The following SLIT2 variants were observed in gnomAD, a reference collection of about 807,000 sequenced individuals.
SLIT2 encodes the protein slit homolog 2 protein.
A neutral mutation model predicts 185.7 loss-of-function variants in SLIT2; 41 were observed. The observed-to-expected ratio is 0.22, with a 90% CI of 0.17 to 0.29. The LOEUF (loss-of-function observed/expected upper bound fraction) is 0.29. Ranked by LOEUF, SLIT2 falls within the 10% of genes least tolerant of loss-of-function variation. The pLI is 1.00. For synonymous variants in SLIT2, 693 were observed against 680.2 expected (o/e 1.02, Z -0.29); for missense variants, 1,571 against 1,909.0 (o/e 0.82, Z 3.30).
chr4:20,369,204 G>T (rs1723369643), intron 4 of SLIT2, among the ~76,000 whole-genome samples: 1 of 152,028 alleles, frequency 6.6e-6, no homozygotes, highest in South Asian at 2.1e-4. Context: ...GTTCCTTCTG[G>T]TTTGTGTGCT....
intron 30 of SLIT2, among the ~76,000 whole-genome samples, chr4:20,593,978 A>G (rs1257732218): frequency 6.6e-6 from 1 of 150,770 alleles, no homozygotes; most frequent in African/African-American, 2.4e-5. Context: ...GTATATGTAT[A>G]TACACATGTA....
chr4:20,524,320 A>C (rs1210824470), intron 14 of SLIT2, 143 bp downstream of exon 14: 1 of 709,092 alleles, frequency 1.4e-6, no homozygotes, highest in African/African-American at 1.8e-5. Flanking sequence ...TAAAATAAAG[A>C]GGACTGTAGA....
intron 4 of SLIT2, among the ~76,000 whole-genome samples, chr4:20,301,118 G>T (rs1716997730): frequency 6.6e-6 from 1 of 152,088 alleles, no homozygotes; most frequent in Non-Finnish European, 1.5e-5. Context: ...TATTCAATGA[G>T]ATGCTAATTA....
intron 29 of SLIT2, among the ~76,000 whole-genome samples, chr4:20,579,499 AG>A (rs1168140736): frequency 6.6e-6 from 1 of 152,184 alleles, no homozygotes; most frequent in Non-Finnish European, 1.5e-5. Flanking sequence ...CACATATGTC[AG>A]TCATTAAGGA....
At chr4:20,534,527 A>G (rs1722098958) in intron 18 of SLIT2, among the ~76,000 whole-genome samples, 1 of 152,222 alleles carries the variant, frequency 6.6e-6, no homozygotes, top group African/African-American at 2.4e-5. Context: ...CATTGTATCT[A>G]AAAAGTATAT....
intron 4 of SLIT2, among the ~76,000 whole-genome samples, chr4:20,466,889 C>G (rs1047606028): frequency 3.3e-5 from 5 of 152,236 alleles, no homozygotes; most frequent in South Asian, 2.1e-4. Flanking sequence ...GGTAATATTA[C>G]TTAAAACTAG....
chr4:20,604,056 A>G (rs1216742063), intron 33 of SLIT2, among the ~76,000 whole-genome samples: 1 of 152,160 alleles, frequency 6.6e-6, no homozygotes, highest in African/African-American at 2.4e-5. Flanking sequence ...TGAGAATTGA[A>G]TGAATGTAAA....
intron 4 of SLIT2, among the ~76,000 whole-genome samples, chr4:20,398,722 T>C (rs564158816): frequency 9.9e-5 from 15 of 151,946 alleles, no homozygotes; most frequent in African/African-American, 3.6e-4. Context: ...AATTTTTCTG[T>C]TTGAATGTAT....
At chr4:20,614,041 T>A (rs952012233) in intron 34 of SLIT2, among the ~76,000 whole-genome samples, 1 of 152,046 alleles carries the variant, frequency 6.6e-6, no homozygotes, top group African/African-American at 2.4e-5. Flanking sequence ...CCAGCTAATT[T>A]TTTATACTTT....
intron 4 of SLIT2, among the ~76,000 whole-genome samples, chr4:20,395,175 G>A (rs1022841039): frequency 3.3e-5 from 5 of 151,902 alleles, no homozygotes; most frequent in African/African-American, 7.3e-5. Context: ...TAAACGTTAA[G>A]CATTTGTGAG....
chr4:20,607,175 GA>G (rs951985493), intron 33 of SLIT2, among the ~76,000 whole-genome samples: 1 of 152,084 alleles, frequency 6.6e-6, no homozygotes, highest in African/African-American at 2.4e-5. Flanking sequence ...CTCTTAAAAG[GA>G]AGAAAAATCA....
At chr4:20,323,799 A>G (rs1228623669) in intron 4 of SLIT2, among the ~76,000 whole-genome samples, 1 of 152,210 alleles carries the variant, frequency 6.6e-6, no homozygotes, top group Non-Finnish European at 1.5e-5. Context: ...TCGAACTACC[A>G]TAAAATAGTT....
intron 4 of SLIT2, among the ~76,000 whole-genome samples, chr4:20,426,776 A>AAATAC (rs1369088450): frequency 1.3e-5 from 2 of 152,212 alleles, no homozygotes; most frequent in South Asian, 2.1e-4. Context: ...GATGATAAAA[A>AAATAC]AATACAATGA....
intron 4 of SLIT2, among the ~76,000 whole-genome samples, chr4:20,291,477 TATATATATATATATA>T (rs1449520256): frequency 1.1e-3 from 11 of 9,680 alleles, no homozygotes; most frequent in South Asian, 4.5e-3. Flanking sequence ...TATATATATA[TATATATATATATATA>T]TTTTTTTTTT....
intron 4 of SLIT2, among the ~76,000 whole-genome samples, chr4:20,346,912 G>A (rs1721460019): frequency 6.6e-6 from 1 of 152,132 alleles, no homozygotes; most frequent in East Asian, 1.9e-4. Context: ...AGCCAAGCTG[G>A]CCCCTGATTA....
At position 20,530,838 on chromosome 4, in the gene SLIT2, C is replaced by T. The variant is rs577025157; in HGVS notation, c.1614-1146C>T. ...TGAATGGTTAAATTATTCATATTGA[C>T]CTTTCTCCAAAGAACATATACAAAT... On this transcript the variant is annotated intron_variant, in intron 16 of 36. Coordinates refer to ENST00000504154, the MANE Select transcript of SLIT2 (RefSeq NM_004787.4). Among the ~76,000 whole-genome samples the T allele has an allele frequency of 8.8e-4, 134 of 151,936 alleles. 1 individual carries two copies. Among genetic ancestry groups the T allele is most frequent in the Non-Finnish European group, 7.9e-4 (54 of 67,954 alleles).
chr4:20,564,472 G>GA, intron 26 of SLIT2, among the ~76,000 whole-genome samples: 1 of 151,982 alleles, frequency 6.6e-6, no homozygotes, highest in South Asian at 2.1e-4. Flanking sequence ...AGAGATATGA[G>GA]AGGAGGCTGC....
chr4:20,526,384 A>C (rs1007079912), intron 15 of SLIT2, among the ~76,000 whole-genome samples: 1 of 152,142 alleles, frequency 6.6e-6, no homozygotes, highest in Non-Finnish European at 1.5e-5. Flanking sequence ...ACAATGTTTA[A>C]TATTAATTAC....
intron 11 of SLIT2, among the ~76,000 whole-genome samples, chr4:20,518,561 A>ATATATATATATATATATATATG (rs1720483796): frequency 1.1e-4 from 1 of 8,808 alleles, no homozygotes; most frequent in Non-Finnish European, 2.3e-4. Context: ...CTATATGTAT[A>ATATATATATATATATATATATG]TATATATATA....
Sources: allele counts gnomAD v4.1 joint callset (sites outside exome capture counted in the v4.1 genomes callset), GRCh38; gene constraint gnomAD v4.1.1; transcripts MANE v1.5; gene names NCBI Gene and HGNC (gene_info 2026-07-23, HGNC 2026-07-21).